ATP8A2: variants seen among roughly 807,000 people sequenced by gnomAD.
The protein encoded by ATP8A2 is phospholipid-transporting ATPase IB.
A neutral mutation model predicts 165.6 loss-of-function variants in ATP8A2; 100 were observed. The observed-to-expected ratio is 0.60, with a 90% CI of 0.51 to 0.71. The LOEUF (loss-of-function observed/expected upper bound fraction) is 0.71. Ranked by LOEUF, ATP8A2 falls within the 30% of genes least tolerant of loss-of-function variation. The pLI is 0.00. For missense variants in ATP8A2, 1,227 were observed against 1,479.5 expected (o/e 0.83, Z 2.80); for synonymous variants, 543 against 548.8 (o/e 0.99, Z 0.15).
chr13:25,915,666 C>T (rs1954250305), intron 33 of ATP8A2, among the ~76,000 whole-genome samples: 1 of 152,218 alleles, frequency 6.6e-6, no homozygotes, highest in Non-Finnish European at 1.5e-5. Context: ...AAAATGCAGC[C>T]TGCATGAGTT....
At position 25,563,216 on chromosome 13, in the gene ATP8A2, C is replaced by T. The variant is rs140174237; in HGVS notation, c.1398-740C>T. Reference sequence around the variant, plus strand: ...CCTGAGGTCAGGAGTTTGAGACCAGCCTGACCGACATGGCAAAACCCTGTC... The same window carrying T: ...CCTGAGGTCAGGAGTTTGAGACCAGTCTGACCGACATGGCAAAACCCTGTC... On this transcript the variant is annotated intron_variant, in intron 15 of 36. Coordinates refer to ENST00000381655, the MANE Select transcript of ATP8A2 (RefSeq NM_016529.6). Among the ~76,000 whole-genome samples the T allele has an allele frequency of 6.2e-4, 95 of 152,262 alleles. No homozygotes were observed. The East Asian group carries it at 0.015, about 24-fold the overall frequency.
chr13:25,543,905 C>A (rs1255825788), intron 10 of ATP8A2, among the ~76,000 whole-genome samples: 1 of 152,152 alleles, frequency 6.6e-6, no homozygotes. Context: ...ATTTATAGGT[C>A]ACATTGCTAT....
chr13:25,606,215 A>G (rs2040512767), intron 24 of ATP8A2, among the ~76,000 whole-genome samples: 1 of 152,228 alleles, frequency 6.6e-6, no homozygotes, highest in South Asian at 2.1e-4. Context: ...CATAACCTGA[A>G]ACACTGATGA....
chr13:25,542,866 G>A (rs1483235270), intron 9 of ATP8A2, among the ~76,000 whole-genome samples: 1 of 151,962 alleles, frequency 6.6e-6, no homozygotes, highest in African/African-American at 2.4e-5. Flanking sequence ...ATAGGTTGCT[G>A]CTTTTTAAAA....
intron 27 of ATP8A2, among the ~76,000 whole-genome samples, chr13:25,812,409 G>T (rs1950899954): frequency 1.1e-4 from 1 of 8,906 alleles, no homozygotes; most frequent in South Asian, 3.6e-3. Flanking sequence ...TGGATTCCTT[G>T]TTTTCCTTAT....
intron 35 of ATP8A2, among the ~76,000 whole-genome samples, chr13:25,992,012 G>A (rs1242926450): frequency 6.6e-6 from 1 of 150,976 alleles, no homozygotes; most frequent in Non-Finnish European, 1.5e-5. Context: ...ATTTGTGTGT[G>A]TGTGAGACAT....
Position 25,543,415 on chromosome 13 carries a change from T to G in ATP8A2, c.891+13T>G. The G allele has an allele frequency of 3.3e-6, 5 of 1,504,800 alleles. No homozygotes were observed. The highest frequency in any genetic ancestry group is 1.2e-5 in the South Asian group (1 of 85,932). 93.2% of individuals were successfully genotyped at this position (1,504,800 alleles called of 1,614,324 possible). A position where few individuals can be genotyped will look rare whatever the true frequency, so the allele number is the denominator to read the frequency against. On this transcript the variant is annotated intron_variant, in intron 10 of 36. Coordinates refer to ENST00000381655, the MANE Select transcript of ATP8A2 (RefSeq NM_016529.6). ...CAAACTCATGCAGGTAAAACATTTC[T>G]ATGCTGATTTCAGTCTTTTTTTTCT...
At chr13:25,691,629 G>A (rs554602428) in intron 24 of ATP8A2, among the ~76,000 whole-genome samples, 27 of 152,328 alleles carry the variant, frequency 1.8e-4, no homozygotes, top group African/African-American at 6.5e-4. Flanking sequence ...CTTAATGCCT[G>A]TGAGATATCA....
chr13:25,806,756 T>C, intron 27 of ATP8A2, among the ~76,000 whole-genome samples: 1 of 152,190 alleles, frequency 6.6e-6, no homozygotes, highest in East Asian at 1.9e-4. Context: ...ACTGTTGAAC[T>C]GTTTTCTGAA....
At chr13:25,513,361 G>A (rs372175041) in intron 2 of ATP8A2, among the ~76,000 whole-genome samples, 1 of 151,888 alleles carries the variant, frequency 6.6e-6, no homozygotes, top group Non-Finnish European at 1.5e-5. Context: ...CAGACGATGG[G>A]CGGCCGGGCA....
At chr13:25,664,813 G>A (rs1033846709) in intron 24 of ATP8A2, among the ~76,000 whole-genome samples, 8 of 152,130 alleles carry the variant, frequency 5.3e-5, no homozygotes, top group African/African-American at 1.7e-4. Context: ...TGAATCTAGT[G>A]ACCATATACC....
intron 22 of ATP8A2, 99 bp from the exon 23 acceptor site, chr13:25,581,720 C>A: frequency 1.8e-6 from 2 of 1,138,736 alleles, no homozygotes; most frequent in Non-Finnish European, 2.6e-6. Flanking sequence ...AATAGAACAA[C>A]TGTCTCAGAA....
At chr13:25,731,417 G>A (rs969557024) in intron 25 of ATP8A2, among the ~76,000 whole-genome samples, 1 of 151,996 alleles carries the variant, frequency 6.6e-6, no homozygotes, top group African/African-American at 2.4e-5. Context: ...GAAAGAGAGA[G>A]GTGGGAATAA....
At chr13:25,415,822 C>G (rs1196176112) in intron 1 of ATP8A2, among the ~76,000 whole-genome samples, 2 of 152,120 alleles carry the variant, frequency 1.3e-5, no homozygotes, top group Non-Finnish European at 2.9e-5. Context: ...CTTGGTCCCT[C>G]TCTATCCACT....
intron 1 of ATP8A2, among the ~76,000 whole-genome samples, chr13:25,422,323 T>C (rs1380413925): frequency 6.6e-6 from 1 of 152,190 alleles, no homozygotes; most frequent in East Asian, 1.9e-4. Context: ...TTTTAAAGCA[T>C]TGACCTGTTT....
chr13:25,464,322 C>T (rs1023270376), intron 1 of ATP8A2, among the ~76,000 whole-genome samples: 8 of 151,794 alleles, frequency 5.3e-5, no homozygotes, highest in South Asian at 4.2e-4. Context: ...AGTTAAGATA[C>T]GTGGTTATGA....
At chr13:25,930,903 G>A (rs1057487224) in intron 33 of ATP8A2, among the ~76,000 whole-genome samples, 3 of 152,158 alleles carry the variant, frequency 2.0e-5, no homozygotes, top group Non-Finnish European at 4.4e-5. Context: ...CTTGCCGCCG[G>A]TGTTCCTTTC....
chr13:25,809,944 T>C (rs1003991751), intron 27 of ATP8A2, among the ~76,000 whole-genome samples: 1 of 152,166 alleles, frequency 6.6e-6, no homozygotes, highest in Non-Finnish European at 1.5e-5. Flanking sequence ...TCGTAATTAA[T>C]GTGTTGCCCC....
At chr13:25,587,510 T>C (rs2039957442) in intron 23 of ATP8A2, among the ~76,000 whole-genome samples, 1 of 152,136 alleles carries the variant, frequency 6.6e-6, no homozygotes, top group Non-Finnish European at 1.5e-5. Context: ...TTTGCTTAAA[T>C]TGAAAAATAT....
Sources: gnomAD v4.1 joint callset for allele counts (sites outside exome capture counted in the v4.1 genomes callset) on GRCh38, gnomAD v4.1.1 for gene constraint, MANE v1.5 for transcripts, NCBI Gene and HGNC (gene_info 2026-07-23, HGNC 2026-07-21) for gene names.